The following RMDN2 variants were observed in gnomAD, a reference collection of about 807,000 sequenced individuals.
RMDN2 encodes the protein regulator of microtubule dynamics 2.
In RMDN2, 61 loss-of-function variants were observed where a neutral mutation model predicts 52.8. The ratio of observed to expected loss-of-function variants is 1.16; its 90% CI spans 0.94 to 1.43. The LOEUF is 1.43. Ranked by LOEUF, RMDN2 falls within the 40% of genes most tolerant of loss-of-function variation. RMDN2 has a pLI of 0.00. For missense variants in RMDN2, 592 were observed against 475.3 expected (o/e 1.25, Z -2.28); for synonymous variants, 180 against 153.1 (o/e 1.18, Z -1.30).
At chr2:37,969,247 A>G (rs1671482160) in intron 2 of RMDN2, among the ~76,000 whole-genome samples, 1 of 151,998 alleles carries the variant, frequency 6.6e-6, no homozygotes, top group Admixed American at 6.5e-5. Flanking sequence ...TCTGTTCCAT[A>G]GAAAATTCCA....
At chr2:37,967,920 C>T (rs1345001694) in intron 2 of RMDN2, among the ~76,000 whole-genome samples, 1 of 152,192 alleles carries the variant, frequency 6.6e-6, no homozygotes, top group African/African-American at 2.4e-5. Flanking sequence ...GACTAAATGG[C>T]TGGTATGTTC....
At position 38,031,205 on chromosome 2, in the gene RMDN2, A is replaced by G. The variant is rs898648939; in HGVS notation, c.1713+26989A>G. ...CTTAAGGAACCCTTATTTGCACATG[A>G]TGTTGGCCATTTCTCCACAAGAGAG... On this transcript the variant is annotated intron_variant, in intron 10 of 10. Transcript: ENST00000234195. Among the ~76,000 whole-genome samples, 6 of 145,464 alleles carry G rather than the reference A, an allele frequency of 4.1e-5. No individual in the cohort carries two copies. The East Asian group carries it at 1.1e-3, about 26-fold the overall frequency.
intron 7 of RMDN2, among the ~76,000 whole-genome samples, chr2:37,996,124 C>A (rs1675501062): frequency 6.6e-6 from 1 of 152,088 alleles, no homozygotes; most frequent in South Asian, 2.1e-4. Flanking sequence ...GAACTTCAGT[C>A]ATACTCATTA....
At chr2:37,974,329 G>A in intron 3 of RMDN2, 115 bp downstream of exon 3, 3 of 633,414 alleles carry the variant, frequency 4.7e-6, no homozygotes, top group Admixed American at 4.1e-5. Context: ...GATGATTGAT[G>A]TAAAATTTCT....
chr2:37,924,199 C>T (rs1387854977), upstream of RMDN2, among the ~76,000 whole-genome samples: 3 of 152,200 alleles, frequency 2.0e-5, no homozygotes, highest in Non-Finnish European at 4.4e-5. Context: ...AACAAGCCTT[C>T]TGGATTCTTC....
intron 1 of RMDN2, among the ~76,000 whole-genome samples, chr2:37,926,573 C>G (rs950538146): frequency 8.6e-5 from 13 of 150,834 alleles, no homozygotes; most frequent in Non-Finnish European, 1.9e-4. Context: ...GTTTTAAAAT[C>G]TGTTTGGTAA....
downstream of RMDN2, among the ~76,000 whole-genome samples, chr2:38,021,165 A>G (rs982877091): frequency 6.6e-6 from 1 of 151,936 alleles, no homozygotes; most frequent in Non-Finnish European, 1.5e-5. Context: ...TCATGTCCAC[A>G]CTCTGTATCT....
chr2:37,952,389 G>C (rs1445561790), intron 2 of RMDN2: 1 of 566,542 alleles, frequency 1.8e-6, no homozygotes, highest in African/African-American at 1.9e-5. Flanking sequence ...TTAGTTTACT[G>C]ATGTTATTGG....
intron 2 of RMDN2, among the ~76,000 whole-genome samples, chr2:37,934,619 C>T (rs1667135700): frequency 6.6e-6 from 1 of 151,980 alleles, no homozygotes; most frequent in East Asian, 1.9e-4. Flanking sequence ...CAGTTTCTTT[C>T]AGTAAGAATA....
At chr2:38,065,606 C>T (rs999705713) in intron 10 of RMDN2, among the ~76,000 whole-genome samples, 1 of 152,186 alleles carries the variant, frequency 6.6e-6, no homozygotes, top group African/African-American at 2.4e-5. Context: ...CTTCTCTCTC[C>T]CTCTGGCCAG....
chr2:38,017,354 A>G lies in RMDN2; in HGVS notation c.*115A>G. The G allele has an allele frequency of 2.1e-6, 3 of 1,402,540 alleles. No homozygotes were observed. The highest frequency in any genetic ancestry group is 2.8e-6 in the Non-Finnish European group (3 of 1,072,908). The allele number at this position is 1,402,540 out of a possible 1,614,324, so 86.9% of individuals were successfully genotyped here. A position where few individuals can be genotyped will look rare whatever the true frequency, so the allele number is the denominator to read the frequency against. On this transcript the variant is annotated 3_prime_UTR_variant, in exon 11 of 11. Coordinates refer to ENST00000354545, the MANE Select transcript of RMDN2 (RefSeq NM_001170791.3). The stretch of plus-strand genomic sequence containing the variant: ...TGTAAGGGTATTGTGCTTAGATTTG[A>G]AGGTAAAGCCATGTTTCTGCAGAAT...
At chr2:37,951,730 A>T (rs1456973448) in intron 2 of RMDN2, 1 of 1,612,502 alleles carries the variant, frequency 6.2e-7, no homozygotes, top group African/African-American at 1.3e-5. Context: ...ACTGATGCTA[A>T]AAAACATATA....
In RMDN2 at chr2:37,960,115, T is replaced by G. The variant is rs368123400; in HGVS notation, c.453-13925T>G. ...ATGTGGTGCTGAGAAGAATGTATAT[T>G]CTGTTGATTTGGGGTGGAGAGTTCT... On this transcript the variant is annotated intron_variant, in intron 2 of 10. Transcript: ENST00000354545. 3.9e-5 allele frequency among the ~76,000 whole-genome samples: 6 copies of G among 152,298 alleles called. No individual in the cohort carries two copies. In the East Asian group the frequency reaches 1.2e-3, roughly 29 times the overall value.
chr2:38,014,056 C>A (rs1375182413), intron 10 of RMDN2, among the ~76,000 whole-genome samples: 1 of 151,128 alleles, frequency 6.6e-6, no homozygotes, highest in East Asian at 2.0e-4. Flanking sequence ...AAAAAAAAAA[C>A]ACAAAATTAG....
At chr2:37,921,104 A>G (rs1197306398), upstream of RMDN2, among the ~76,000 whole-genome samples, 1 of 152,248 alleles carries the variant, frequency 6.6e-6, no homozygotes, top group Non-Finnish European at 1.5e-5. Flanking sequence ...GCTAAGTAGC[A>G]TAACATAAAT....
chr2:37,937,131 A>C (rs992299197), intron 2 of RMDN2, among the ~76,000 whole-genome samples: 1 of 152,100 alleles, frequency 6.6e-6, no homozygotes, highest in African/African-American at 2.4e-5. Context: ...ATGGCTAGCC[A>C]GTTTTCCCAA....
chr2:37,996,452 A>T (rs560216452), intron 7 of RMDN2, among the ~76,000 whole-genome samples: 1 of 151,866 alleles, frequency 6.6e-6, no homozygotes, highest in Non-Finnish European at 1.5e-5. Flanking sequence ...TGAGCATGTG[A>T]TGCACACCTG....
At position 37,981,342 on chromosome 2, in the gene RMDN2, T is replaced by A. The variant is rs770472558; in HGVS notation, c.790T>A (p.Trp264Arg). The change falls in exon 5 of 11, where the codon TGG (tryptophan) becomes AGG (arginine). Residue 264 changes from tryptophan to arginine, a missense_variant and splice_region_variant. Physicochemically the swap from Trp to Arg is moderately radical, Grantham distance 101. Coordinates refer to ENST00000354545, the MANE Select transcript of RMDN2 (RefSeq NM_001170791.3). ...RAPMNGHCHLWYAVLCGYVSE... is the reference protein window; with the variant it reads ...RAPMNGHCHLRYAVLCGYVSE... The stretch of plus-strand genomic sequence containing the variant: ...ACCCATGAATGGACATTGTCATCTG[T>A]GGTAAGTGTATAGGATTTATGCAGT... The A allele has an allele frequency of 6.3e-7, 1 of 1,597,564 alleles. No individual in the cohort carries two copies. Among genetic ancestry groups the A allele is most frequent in the Admixed American group, 1.7e-5 (1 of 59,972 alleles).
At chr2:37,941,279 A>AG (rs59180650) in intron 2 of RMDN2, among the ~76,000 whole-genome samples, 152,307 of 152,312 alleles carry the variant, frequency 1, 76,151 homozygotes, top group Middle Eastern at 1. Context: ...TTCATCCCAG[A>AG]GGGCACCCGC....
Sources: allele counts gnomAD v4.1 joint callset (sites outside exome capture counted in the v4.1 genomes callset), GRCh38; gene constraint gnomAD v4.1.1; transcripts MANE v1.5; gene names NCBI Gene and HGNC (gene_info 2026-07-23, HGNC 2026-07-21).